NLGN1: variants seen among roughly 807,000 people sequenced by gnomAD.
NLGN1 encodes neuroligin 1.
Under a neutral mutation model 65.5 loss-of-function variants are expected in NLGN1, and 12 were observed. The observed-to-expected ratio is 0.18, with a 90% CI of 0.12 to 0.30. The LOEUF (loss-of-function observed/expected upper bound fraction) is 0.30, where lower values mean the gene tolerates loss of function less well. NLGN1 is among the 10% of genes least tolerant of loss of function. The pLI is 1.00. For synonymous variants in NLGN1, 350 were observed against 359.5 expected (o/e 0.97, Z 0.30); for missense variants, 750 against 1,007.1 (o/e 0.74, Z 3.46).
intron 4 of NLGN1, among the ~76,000 whole-genome samples, chr3:174,252,848 C>G (rs182564584): frequency 1.3e-5 from 2 of 152,098 alleles, no homozygotes; most frequent in Non-Finnish European, 2.9e-5. Flanking sequence ...ACTGTCTCCA[C>G]GGTGAGATTG....
chr3:173,540,641 A>G (rs1295583994), intron 2 of NLGN1, among the ~76,000 whole-genome samples: 1 of 152,132 alleles, frequency 6.6e-6, no homozygotes, highest in Non-Finnish European at 1.5e-5. Flanking sequence ...CAGCCCTGCC[A>G]TGTTCTCAGG....
chr3:173,477,924 G>A (rs1726533510), intron 2 of NLGN1, among the ~76,000 whole-genome samples: 1 of 152,156 alleles, frequency 6.6e-6, no homozygotes, highest in Admixed American at 6.5e-5. Flanking sequence ...CCAGGTTGTG[G>A]AGAAATAGGA....
chr3:173,630,912 G>T (rs1023166206), intron 3 of NLGN1, among the ~76,000 whole-genome samples: 1 of 152,146 alleles, frequency 6.6e-6, no homozygotes, highest in Non-Finnish European at 1.5e-5. Context: ...GAGAGGGGCA[G>T]TACAAAATCA....
Position 174,279,728 on chromosome 3 carries a change from C to T in NLGN1, c.1649+78C>T, listed in dbSNP as rs986563131. 1.5e-5 allele frequency: 12 copies of T among 814,732 alleles called. No individual in the cohort carries two copies. Among genetic ancestry groups the T allele is most frequent in the Non-Finnish European group, 2.3e-5 (12 of 516,616 alleles). 50.5% of individuals were successfully genotyped at this position (814,732 alleles called of 1,614,324 possible). ...TTTTAAAATAATAGATATTTATGCCCAGATAATGTCATATTGGATTAATAC... is the reference window on the plus strand; with the variant it reads ...TTTTAAAATAATAGATATTTATGCCTAGATAATGTCATATTGGATTAATAC... On this transcript the variant is annotated intron_variant, in intron 6 of 6. Coordinates refer to ENST00000457714, the Ensembl canonical transcript of NLGN1. The surrounding 1 kb of genome is among the most constrained non-coding windows in gnomAD (Gnocchi z 4.7).
chr3:174,260,242 T>C (rs1284681753), intron 4 of NLGN1, among the ~76,000 whole-genome samples: 1 of 150,040 alleles, frequency 6.7e-6, no homozygotes, highest in East Asian at 2.0e-4. Context: ...TAGTTCTAGA[T>C]CCCTGAGGAA....
At chr3:173,593,845 C>G (rs1277380378) in intron 2 of NLGN1, among the ~76,000 whole-genome samples, 1 of 152,192 alleles carries the variant, frequency 6.6e-6, no homozygotes, top group East Asian at 1.9e-4. Context: ...AAAGGCACTT[C>G]TTACATGTTG....
chr3:173,828,020 A>G (rs1721719520), intron 4 of NLGN1, among the ~76,000 whole-genome samples: 1 of 152,200 alleles, frequency 6.6e-6, no homozygotes, highest in East Asian at 1.9e-4. Flanking sequence ...TTGACCAGCT[A>G]TCTGGGCATC....
In NLGN1 at chr3:173,863,047, A is replaced by G. The variant is rs1005026798; in HGVS notation, c.646+55215A>G. On this transcript the variant is annotated intron_variant, in intron 4 of 6. Coordinates refer to ENST00000457714, the Ensembl canonical transcript of NLGN1. Reference sequence around the variant, plus strand: ...ATATGTTAAAGCTTTGTTTTGTTAAATAGTCTATGTGAACCAGTAAGAATT... The same window carrying G: ...ATATGTTAAAGCTTTGTTTTGTTAAGTAGTCTATGTGAACCAGTAAGAATT... 1.1e-3 allele frequency among the ~76,000 whole-genome samples: 173 copies of G among 152,328 alleles called. 1 individual carries two copies. The highest frequency in any genetic ancestry group is 3.8e-3 in the African/African-American group (160 of 41,594).
At chr3:173,787,502 A>G (rs1782170008) in intron 3 of NLGN1, among the ~76,000 whole-genome samples, 1 of 152,210 alleles carries the variant, frequency 6.6e-6, no homozygotes, top group African/African-American at 2.4e-5. Flanking sequence ...TAATATTAGT[A>G]TTAAATATGG....
chr3:173,601,106 C>G (rs1750463194), intron 2 of NLGN1, among the ~76,000 whole-genome samples: 1 of 151,904 alleles, frequency 6.6e-6, no homozygotes, highest in African/African-American at 2.4e-5. Context: ...GAGCTAGTAT[C>G]CCCATTGACT....
At chr3:174,241,145 C>T (rs1426329706) in intron 4 of NLGN1, among the ~76,000 whole-genome samples, 1 of 152,204 alleles carries the variant, frequency 6.6e-6, no homozygotes, top group East Asian at 1.9e-4. Flanking sequence ...TATTTCCCTA[C>T]TAGAAAAACA....
At chr3:174,184,440 AAAT>A (rs1731032407) in intron 4 of NLGN1, among the ~76,000 whole-genome samples, 1 of 152,182 alleles carries the variant, frequency 6.6e-6, no homozygotes, top group Non-Finnish European at 1.5e-5. Flanking sequence ...TATTTATATT[AAAT>A]GTCATTTAAT....
chr3:174,069,948 C>G (rs1739456474), intron 4 of NLGN1, among the ~76,000 whole-genome samples: 1 of 152,088 alleles, frequency 6.6e-6, no homozygotes, highest in South Asian at 2.1e-4. Context: ...AAAATAGAAA[C>G]AGTAAATGAC....
chr3:173,559,852 T>C (rs1742368351), intron 2 of NLGN1, among the ~76,000 whole-genome samples: 1 of 152,140 alleles, frequency 6.6e-6, no homozygotes, highest in Non-Finnish European at 1.5e-5. Context: ...CGATTTTCTG[T>C]CATGAAGAGA....
intron 4 of NLGN1, among the ~76,000 whole-genome samples, chr3:173,827,952 G>A (rs985499754): frequency 2.0e-5 from 3 of 151,942 alleles, no homozygotes; most frequent in Admixed American, 6.6e-5. Context: ...TCAGTATACT[G>A]ATTTCAATGC....
intron 4 of NLGN1, among the ~76,000 whole-genome samples, chr3:174,211,196 A>G (rs1334755928): frequency 1.3e-5 from 2 of 152,218 alleles, no homozygotes; most frequent in Non-Finnish European, 2.9e-5. Context: ...CGAAAGAACA[A>G]AGCTTCCGCA....
At chr3:173,575,590 T>C (rs1745386023) in intron 2 of NLGN1, among the ~76,000 whole-genome samples, 1 of 152,208 alleles carries the variant, frequency 6.6e-6, no homozygotes. Context: ...GGTCATTTGT[T>C]CATATTATAT....
intron 3 of NLGN1, among the ~76,000 whole-genome samples, chr3:173,757,434 T>C (rs1002256078): frequency 6.6e-6 from 1 of 152,004 alleles, no homozygotes; most frequent in African/African-American, 2.4e-5. Flanking sequence ...GAAACATAGG[T>C]GATGGTGGAG....
chr3:173,544,679 A>G (rs1739468942), intron 2 of NLGN1, among the ~76,000 whole-genome samples: 3 of 152,160 alleles, frequency 2.0e-5, no homozygotes, highest in Non-Finnish European at 2.9e-5. Context: ...GAAAAAAATA[A>G]GTTAAAAAAA....
Sources: gnomAD v4.1 joint callset for allele counts (sites outside exome capture counted in the v4.1 genomes callset) on GRCh38, gnomAD v4.1.1 for gene constraint, Gnocchi (gnomAD v3.1) non-coding constraint, MANE v1.5 for transcripts, NCBI Gene and HGNC (gene_info 2026-07-23, HGNC 2026-07-21) for gene names.